MSRB3: variants seen among roughly 807,000 people sequenced by gnomAD.
MSRB3 encodes the protein methionine-R-sulfoxide reductase B3.
Under a neutral mutation model 21.0 loss-of-function variants are expected in MSRB3, and 13 were observed. That is an observed-to-expected ratio of 0.62 (90% confidence interval 0.40 to 0.98). The LOEUF is 0.98. Among genes scored for constraint, MSRB3 ranks in the 50% least tolerant of loss-of-function variants. The pLI is 0.00. For synonymous variants in MSRB3, 87 were observed against 88.6 expected (o/e 0.98, Z 0.10); for missense variants, 199 against 230.3 (o/e 0.86, Z 0.88).
intron 4 of MSRB3, among the ~76,000 whole-genome samples, chr12:65,333,696 C>T (rs73318479): frequency 0.032 from 4,903 of 152,278 alleles, 274 homozygotes; most frequent in African/African-American, 0.11. Flanking sequence ...CTAGTGTGAA[C>T]GTGAATGTCC....
intron 5 of MSRB3, among the ~76,000 whole-genome samples, chr12:65,451,228 TGAGTTTTGGG>T (rs1565898030): frequency 6.6e-6 from 1 of 152,220 alleles, no homozygotes; most frequent in Admixed American, 6.5e-5. Flanking sequence ...AGAGACATTG[TGAGTTTTGGG>T]GAGTTTTGAA....
intron 4 of MSRB3, among the ~76,000 whole-genome samples, chr12:65,368,637 TAA>T (rs1296357757): frequency 1.3e-5 from 2 of 152,320 alleles, no homozygotes; most frequent in African/African-American, 4.8e-5. Context: ...CCTTGAATAA[TAA>T]AGAGAATAAT....
chr12:65,443,857 T>C (rs1401043030), intron 5 of MSRB3, among the ~76,000 whole-genome samples: 1 of 151,282 alleles, frequency 6.6e-6, no homozygotes, highest in Admixed American at 6.6e-5. Flanking sequence ...ATAATAATGC[T>C]CCTTTCCATC....
chr12:65,314,627 T>A (rs1874180778), intron 2 of MSRB3, among the ~76,000 whole-genome samples: 2 of 152,142 alleles, frequency 1.3e-5, no homozygotes, highest in Non-Finnish European at 2.9e-5. Flanking sequence ...AATAAGATGT[T>A]GGGCATATGG....
At chr12:65,297,770 G>A (rs1288187387) in intron 1 of MSRB3, among the ~76,000 whole-genome samples, 1 of 152,102 alleles carries the variant, frequency 6.6e-6, no homozygotes, top group Admixed American at 6.5e-5. Context: ...CTAGTACACA[G>A]CCCTTTTGCA....
At chr12:65,334,404 G>A (rs1875627729) in intron 4 of MSRB3, among the ~76,000 whole-genome samples, 1 of 152,030 alleles carries the variant, frequency 6.6e-6, no homozygotes, top group African/African-American at 2.4e-5. Flanking sequence ...TAGAATAGTA[G>A]CACTCAAACA....
intron 1 of MSRB3, among the ~76,000 whole-genome samples, chr12:65,303,648 A>G (rs930800052): frequency 5.9e-5 from 9 of 152,170 alleles, no homozygotes; most frequent in African/African-American, 2.2e-4. Context: ...GAATGACTCA[A>G]TAAATAAATG....
At chr12:65,396,766 G>T (rs1879840317) in intron 5 of MSRB3, among the ~76,000 whole-genome samples, 1 of 146,786 alleles carries the variant, frequency 6.8e-6, no homozygotes, top group East Asian at 2.0e-4. Flanking sequence ...ACCCAGCAAA[G>T]ATATGTTTTA....
intron 5 of MSRB3, among the ~76,000 whole-genome samples, chr12:65,393,645 A>C (rs1879612923): frequency 6.6e-6 from 1 of 151,910 alleles, no homozygotes; most frequent in African/African-American, 2.4e-5. Flanking sequence ...AAAAAAAAAA[A>C]AAAAAAAAAT....
At chr12:65,435,453 G>T (rs1034932452) in intron 5 of MSRB3, among the ~76,000 whole-genome samples, 1 of 151,786 alleles carries the variant, frequency 6.6e-6, no homozygotes, top group Non-Finnish European at 1.5e-5. Flanking sequence ...CTGAATCTTT[G>T]CCAGCTTCTC....
chr12:65,403,502 C>T (rs942372045), intron 5 of MSRB3, among the ~76,000 whole-genome samples: 1 of 152,204 alleles, frequency 6.6e-6, no homozygotes, highest in African/African-American at 2.4e-5. Flanking sequence ...GCTGTGCTGG[C>T]AGCGAGAATT....
At chr12:65,428,785 A>G (rs940816269) in intron 5 of MSRB3, among the ~76,000 whole-genome samples, 1 of 152,054 alleles carries the variant, frequency 6.6e-6, no homozygotes, top group African/African-American at 2.4e-5. Flanking sequence ...ATCTTTAGCA[A>G]TTGGTATTTT....
At chr12:65,433,815 A>C (rs1881994358) in intron 5 of MSRB3, among the ~76,000 whole-genome samples, 1 of 151,900 alleles carries the variant, frequency 6.6e-6, no homozygotes, top group South Asian at 2.1e-4. Context: ...ATTCTCTCTT[A>C]GCTTCCTATC....
chr12:65,394,720 C>T (rs1174885807), intron 5 of MSRB3, among the ~76,000 whole-genome samples: 1 of 152,156 alleles, frequency 6.6e-6, no homozygotes, highest in African/African-American at 2.4e-5. Context: ...AATACAGCAA[C>T]ATTTAAAACA....
chr12:65,405,073 C>T (rs1880338231), intron 5 of MSRB3, among the ~76,000 whole-genome samples: 1 of 151,968 alleles, frequency 6.6e-6, no homozygotes, highest in African/African-American at 2.4e-5. Flanking sequence ...GCTTCAGCCT[C>T]CCAAGTCGCT....
intron 2 of MSRB3, among the ~76,000 whole-genome samples, chr12:65,322,491 C>T (rs1325408184): frequency 6.6e-6 from 1 of 151,422 alleles, no homozygotes; most frequent in Non-Finnish European, 1.5e-5. Flanking sequence ...CCCATCTCTA[C>T]CAAAAATACA....
chr12:65,402,959 C>T (rs891631702), intron 5 of MSRB3, among the ~76,000 whole-genome samples: 1 of 152,206 alleles, frequency 6.6e-6, no homozygotes, highest in Non-Finnish European at 1.5e-5. Flanking sequence ...AGATTGCTGC[C>T]TGTTCGTTCC....
Position 65,301,515 on chromosome 12 carries a change from G to GT in MSRB3, c.-51-7008dup, listed in dbSNP as rs1873329780. On this transcript the variant is annotated intron_variant, in intron 1 of 6. Transcript: ENST00000308259. ...ATCAGTGATGATATTAATGAGTATG[G>GT]TTTTTTGATACCATGTTACGAAATG... Among the ~76,000 whole-genome samples the GT allele has an allele frequency of 4.6e-5, 7 of 152,248 alleles. No homozygotes were observed. The South Asian group carries it at 1.5e-3, about 32-fold the overall frequency.
rs375343319 is a variant in MSRB3, at chr12:65,328,732, C to T, written c.263+129C>T. ...TTTGTTTTTCTATTTCCATTTACCCCCAACAAAACAAAAGTAATTATTGAT... is the reference window on the plus strand; with the variant it reads ...TTTGTTTTTCTATTTCCATTTACCCTCAACAAAACAAAAGTAATTATTGAT... On this transcript the variant is annotated intron_variant, in intron 4 of 6. Coordinates refer to ENST00000308259, the MANE Select transcript of MSRB3 (RefSeq NM_001031679.3). 35 of 715,402 alleles carry T rather than the reference C, an allele frequency of 4.9e-5. No individual in the cohort carries two copies. In the East Asian group the frequency reaches 8.8e-4, roughly 18 times the overall value. The allele number at this position is 715,402 out of a possible 1,614,324, so 44.3% of individuals were successfully genotyped here.
Sources: allele counts gnomAD v4.1 joint callset (sites outside exome capture counted in the v4.1 genomes callset), GRCh38; gene constraint gnomAD v4.1.1; transcripts MANE v1.5; gene names NCBI Gene and HGNC (gene_info 2026-07-23, HGNC 2026-07-21).